The following NEK11 variants were observed in gnomAD, a reference collection of about 807,000 sequenced individuals.
The protein encoded by NEK11 is NIMA related kinase 11.
Under a neutral mutation model 80.7 loss-of-function variants are expected in NEK11, and 72 were observed. The ratio of observed to expected loss-of-function variants is 0.89; its 90% confidence interval spans 0.74 to 1.08. The LOEUF (loss-of-function observed/expected upper bound fraction) is 1.08. NEK11 is among the 50% of genes least tolerant of loss of function. The pLI is 0.00. For missense variants in NEK11, 764 were observed against 763.6 expected, an observed-to-expected ratio of 1.00 and a Z score of -0.01; for synonymous variants, 251 against 260.7, an observed-to-expected ratio of 0.96 and a Z score of 0.36.
chr3:131,123,020 A>G (rs895310918), intron 5 of NEK11, among the ~76,000 whole-genome samples: 2 of 152,206 alleles, frequency 1.3e-5, no homozygotes, highest in African/African-American at 4.8e-5. Context: ...TTTAGAAGAA[A>G]GATTTCATAT....
chr3:131,298,095 C>G (rs201141422), intron 17 of NEK11, among the ~76,000 whole-genome samples: 1 of 151,982 alleles, frequency 6.6e-6, no homozygotes, highest in African/African-American at 2.4e-5. Flanking sequence ...AGTCAGGTAG[C>G]CTGATGCCTC....
At chr3:131,229,165 G>T (rs10512802) in intron 15 of NEK11, among the ~76,000 whole-genome samples, 12,755 of 152,126 alleles carry the variant, frequency 0.084, 1,057 homozygotes, top group African/African-American at 0.22. Flanking sequence ...GGGATAATCT[G>T]TCTAGCTACT....
chr3:131,331,922 G>A (rs1195567926), intron 17 of NEK11, among the ~76,000 whole-genome samples: 6 of 152,260 alleles, frequency 3.9e-5, no homozygotes, highest in African/African-American at 1.4e-4. Flanking sequence ...AGGGGCGCCT[G>A]CCATTGCCCA....
chr3:131,297,415 A>G (rs1429553153), intron 17 of NEK11, among the ~76,000 whole-genome samples: 1 of 151,730 alleles, frequency 6.6e-6, no homozygotes, highest in African/African-American at 2.4e-5. Context: ...ATGGCCAGTG[A>G]TGATGAGCAT....
chr3:131,238,150 G>C (rs2095463462), intron 15 of NEK11, among the ~76,000 whole-genome samples: 1 of 152,096 alleles, frequency 6.6e-6, no homozygotes, highest in South Asian at 2.1e-4. Flanking sequence ...CTGTCTTCAA[G>C]TCTCTGTTTA....
chr3:131,241,017 G>C (rs971250153), intron 15 of NEK11, among the ~76,000 whole-genome samples: 5 of 152,176 alleles, frequency 3.3e-5, no homozygotes, highest in Admixed American at 6.6e-5. Context: ...TATCCTGAGA[G>C]AGATAACACA....
At chr3:131,218,203 A>C (rs1485890329) in intron 14 of NEK11, among the ~76,000 whole-genome samples, 1 of 152,224 alleles carries the variant, frequency 6.6e-6, no homozygotes, top group African/African-American at 2.4e-5. Context: ...GGTTCCTTAG[A>C]AGCACAGCCT....
chr3:131,315,544 CTTTTT>C (rs201472590), intron 17 of NEK11, among the ~76,000 whole-genome samples: 1 of 143,462 alleles, frequency 7.0e-6, no homozygotes, highest in African/African-American at 2.5e-5. Context: ...TGCCATGCTT[CTTTTT>C]TTTTTTTCTT....
intron 14 of NEK11, among the ~76,000 whole-genome samples, chr3:131,215,945 G>A (rs1267914412): frequency 1.3e-5 from 2 of 152,224 alleles, no homozygotes; most frequent in Non-Finnish European, 2.9e-5. Flanking sequence ...TTTCTGCAGT[G>A]TTGGAAATAT....
At chr3:131,197,636 GT>G (rs779370986) in intron 14 of NEK11, among the ~76,000 whole-genome samples, 8 of 152,106 alleles carry the variant, frequency 5.3e-5, no homozygotes, top group South Asian at 2.1e-4. Context: ...TAAGTGGAAG[GT>G]TAGGTGAAGG....
At chr3:131,333,048 A>G (rs567108516) in intron 17 of NEK11, among the ~76,000 whole-genome samples, 130 of 152,354 alleles carry the variant, frequency 8.5e-4, no homozygotes, top group African/African-American at 3.1e-3. Context: ...ACTCTGCAGG[A>G]TATTATCCAA....
At chr3:131,235,946 G>T (rs916341842) in intron 15 of NEK11, among the ~76,000 whole-genome samples, 24 of 152,162 alleles carry the variant, frequency 1.6e-4, no homozygotes, top group Non-Finnish European at 4.4e-5. Context: ...TCCAAAGTGT[G>T]TGAAAATGGA....
intron 3 of NEK11, among the ~76,000 whole-genome samples, chr3:131,073,845 C>T (rs1302065328): frequency 6.6e-6 from 1 of 152,140 alleles, no homozygotes; most frequent in Non-Finnish European, 1.5e-5. Context: ...TGCAATTCTG[C>T]CTGAGTGCTC....
At chr3:131,331,984 A>C (rs1316095810) in intron 17 of NEK11, among the ~76,000 whole-genome samples, 1 of 152,226 alleles carries the variant, frequency 6.6e-6, no homozygotes, top group African/African-American at 2.4e-5. Context: ...GGTGGAGCCC[A>C]CCACAGCTCA....
At chr3:131,336,216 C>T (rs1013059481) in intron 17 of NEK11, among the ~76,000 whole-genome samples, 1 of 152,204 alleles carries the variant, frequency 6.6e-6, no homozygotes, top group African/African-American at 2.4e-5. Flanking sequence ...TGACTTCAAA[C>T]TATACTACAA....
intron 17 of NEK11, among the ~76,000 whole-genome samples, chr3:131,334,762 C>T (rs1406564721): frequency 2.0e-5 from 3 of 152,042 alleles, no homozygotes; most frequent in Non-Finnish European, 4.4e-5. Flanking sequence ...ATCAAATAGA[C>T]ACAATACAAA....
chr3:131,145,508 A>G (rs1319462815), intron 7 of NEK11, among the ~76,000 whole-genome samples: 5 of 152,086 alleles, frequency 3.3e-5, no homozygotes, highest in Non-Finnish European at 7.4e-5. Context: ...CCGTGGTGTG[A>G]CGCCCTGCAT....
chr3:131,225,546 T>C (rs942800860), intron 14 of NEK11, among the ~76,000 whole-genome samples: 2 of 152,238 alleles, frequency 1.3e-5, no homozygotes, highest in African/African-American at 4.8e-5. Context: ...AACAATTCCA[T>C]GAGATGAATA....
chr3:131,226,165 G>A (rs1561071917), intron 14 of NEK11, among the ~76,000 whole-genome samples: 1 of 152,064 alleles, frequency 6.6e-6, no homozygotes, highest in Non-Finnish European at 1.5e-5. Flanking sequence ...GTTGAGGGTG[G>A]GCAAGAGAAG....
Sources: allele counts gnomAD v4.1 joint callset (sites outside exome capture counted in the v4.1 genomes callset), GRCh38; gene constraint gnomAD v4.1.1; transcripts MANE v1.5; gene names NCBI Gene and HGNC (gene_info 2026-07-23, HGNC 2026-07-21).